DERA: variants seen among roughly 807,000 people sequenced by gnomAD.
DERA encodes deoxyribose-phosphate aldolase, also known as 2-deoxy-D-ribose 5-phosphate aldolase.
A neutral mutation model predicts 41.1 loss-of-function variants in DERA; 15 were observed. The observed-to-expected ratio is 0.37, with a 90% CI of 0.24 to 0.56. The LOEUF (loss-of-function observed/expected upper bound fraction) is 0.56. DERA is among the 20% of genes least tolerant of loss of function. The pLI is 0.81. For synonymous variants in DERA, 139 were observed against 137.4 expected, an observed-to-expected ratio of 1.01 and a Z score of -0.08; for missense variants, 396 against 403.4, an observed-to-expected ratio of 0.98 and a Z score of 0.16.
At position 15,913,116 on chromosome 12, in the gene DERA, T is replaced by A. The variant is rs1332153415; in HGVS notation, c.31+1702T>A. 6.6e-6 allele frequency among the ~76,000 whole-genome samples: 1 copy of A among 152,232 alleles called. No individual in the cohort carries two copies. Among genetic ancestry groups the A allele is most frequent in the African/African-American group, 2.4e-5 (1 of 41,466 alleles). ...TAAATTTCCCAAAACTTAGACATTT[T>A]AAATTTTTCTTTCAAAAAACATAAT... On this transcript the variant is annotated intron_variant, in intron 1 of 8. Transcript: ENST00000428559. The surrounding 1 kb of genome is among the most constrained non-coding windows in gnomAD (Gnocchi z 4.5).
chr12:15,965,975 T>C lies in DERA; in HGVS notation c.508+3028T>C, dbSNP rs145557024. 3.5e-3 allele frequency among the ~76,000 whole-genome samples: 527 copies of C among 152,300 alleles called. 1 individual carries two copies. The highest frequency in any genetic ancestry group is 0.012 in the African/African-American group (507 of 41,566). On this transcript the variant is annotated intron_variant, in intron 5 of 8. Coordinates refer to ENST00000428559, the MANE Select transcript of DERA (RefSeq NM_015954.4). This position sits in a 1 kb window ranked among gnomAD's most constrained non-coding sequence, Gnocchi z 4.1. ...TCTGCCAGCTCATTCCCATTAAGCA[T>C]TTAGACATACTCAAGCTTTTCTTAG...
rs1279562557 is a variant in DERA at position 15,928,017 on chromosome 12, T to A, written c.31+16603T>A. Reference sequence around the variant, plus strand: ...CAAAAATAGTTAAAACTTTTTAAATTGGAAAATAATAATTATCTATTTAGG... The same window carrying A: ...CAAAAATAGTTAAAACTTTTTAAATAGGAAAATAATAATTATCTATTTAGG... On this transcript the variant is annotated intron_variant, in intron 1 of 8. Coordinates refer to ENST00000428559, the MANE Select transcript of DERA (RefSeq NM_015954.4). This position sits in a 1 kb window ranked among gnomAD's most constrained non-coding sequence, Gnocchi z 4.6. Among the ~76,000 whole-genome samples the A allele has an allele frequency of 7.0e-6, 1 of 142,074 alleles. No homozygotes were observed. The highest frequency in any genetic ancestry group is 1.5e-5 in the Non-Finnish European group (1 of 64,734). The allele number at this position is 142,074 out of a possible 152,430, so 93.2% of individuals were successfully genotyped here. A position where few individuals can be genotyped will look rare whatever the true frequency, so the allele number is the denominator to read the frequency against.
intron 1 of DERA, among the ~76,000 whole-genome samples, chr12:15,947,654 C>T (rs899656126): frequency 1.3e-5 from 2 of 152,136 alleles, no homozygotes; most frequent in African/African-American, 4.8e-5. Flanking sequence ...GGTCTTGACT[C>T]TTTATCCAAT....
At chr12:15,964,102 C>T (rs1948607010) in intron 5 of DERA, among the ~76,000 whole-genome samples, 2 of 152,318 alleles carry the variant, frequency 1.3e-5, no homozygotes, top group East Asian at 3.9e-4. Context: ...AAGCATGTGG[C>T]TTCTGCTGTT....
rs1308289294 is a variant in DERA, at chr12:15,996,601, T to C, written c.637+14165T>C. 6.6e-6 allele frequency among the ~76,000 whole-genome samples: 1 copy of C among 152,184 alleles called. No homozygotes were observed. The highest frequency in any genetic ancestry group is 2.4e-5 in the African/African-American group (1 of 41,450). On this transcript the variant is annotated intron_variant, in intron 6 of 8. Coordinates refer to ENST00000428559, the MANE Select transcript of DERA (RefSeq NM_015954.4). This position sits in a 1 kb window ranked among gnomAD's most constrained non-coding sequence, Gnocchi z 4.7. ...TTACTCAGTATGACCTTATCTTAAC[T>C]AATGACATCTTCAGTGGCCCTCTTT...
At chr12:15,919,064 T>A (rs1948222702) in intron 1 of DERA, among the ~76,000 whole-genome samples, 1 of 152,208 alleles carries the variant, frequency 6.6e-6, no homozygotes, top group African/African-American at 2.4e-5. Flanking sequence ...AACTGGGGCA[T>A]CCTTTTGTGA....
intron 1 of DERA, among the ~76,000 whole-genome samples, chr12:15,952,740 C>T (rs1407905426): frequency 6.6e-6 from 1 of 152,232 alleles, no homozygotes; most frequent in Non-Finnish European, 1.5e-5. Flanking sequence ...TTCAAGGGCT[C>T]AGGTAGGCAC....
chr12:16,009,792 A>G lies in DERA; in HGVS notation c.638-22750A>G, dbSNP rs546390151. ...ACTCTAAGGGGAGGAAATAAATGCC[A>G]CACTCAAAGCAATTATACAGGAAGT... is the stretch of plus-strand genomic sequence containing the variant. On this transcript the variant is annotated intron_variant, in intron 6 of 8. Transcript: ENST00000428559. The surrounding 1 kb of genome is among the most constrained non-coding windows in gnomAD (Gnocchi z 5.3). Among the ~76,000 whole-genome samples the G allele has an allele frequency of 1.2e-4, 18 of 152,344 alleles. No individual in the cohort carries two copies. Among genetic ancestry groups the G allele is most frequent in the Admixed American group, 1.1e-3 (17 of 15,300 alleles).
intron 4 of DERA, among the ~76,000 whole-genome samples, chr12:15,960,903 C>G (rs542355836): frequency 5.9e-5 from 9 of 152,122 alleles, no homozygotes. Context: ...CTGTTGTTGA[C>G]TACAAAGGCA....
intron 1 of DERA, among the ~76,000 whole-genome samples, chr12:15,955,119 G>T (rs1229814910): frequency 6.6e-6 from 1 of 152,036 alleles, no homozygotes; most frequent in Non-Finnish European, 1.5e-5. Context: ...GGCCAACATG[G>T]TGAAACCCTG....
intron 4 of DERA, among the ~76,000 whole-genome samples, chr12:15,960,636 C>CAAAAAAAAAAAAAAAAAAAAAAAAA (rs1163104277): frequency 3.5e-5 from 1 of 28,718 alleles, no homozygotes; most frequent in African/African-American, 1.3e-4. Flanking sequence ...GACTCCGTCT[C>CAAAAAAAAAAAAAAAAAAAAAAAAA]AAAAAAAAAA....
At chr12:15,927,414 G>C (rs57129515) in intron 1 of DERA, among the ~76,000 whole-genome samples, 1 of 151,942 alleles carries the variant, frequency 6.6e-6, no homozygotes, top group Non-Finnish European at 1.5e-5. Flanking sequence ...GAACAGTAAC[G>C]CTTTTTTGTG....
At position 15,936,936 on chromosome 12, in the gene DERA, T is replaced by TCCCA. The variant is rs1565588727; in HGVS notation, c.32-20000_32-19999insCCCA. ...CTGTCCTGTCCTGTCCTGTCCTGTC[T>TCCCA]TGTCCTGTCCCGTCCTGTCCTGCCC... is the stretch of plus-strand genomic sequence containing the variant. On this transcript the variant is annotated intron_variant, in intron 1 of 8. Coordinates refer to ENST00000428559, the MANE Select transcript of DERA (RefSeq NM_015954.4). The surrounding 1 kb of genome is among the most constrained non-coding windows in gnomAD (Gnocchi z 4.6). Among the ~76,000 whole-genome samples, 1 of 117,782 alleles carries TCCCA rather than the reference T, an allele frequency of 8.5e-6. No individual in the cohort carries two copies. Among genetic ancestry groups the TCCCA allele is most frequent in the Admixed American group, 7.9e-5 (1 of 12,624 alleles). The allele number at this position is 117,782 out of a possible 152,430, so 77.3% of individuals were successfully genotyped here.
In DERA at chr12:16,019,531, G is replaced by A. The variant is rs573320334; in HGVS notation, c.638-13011G>A. Among the ~76,000 whole-genome samples the A allele has an allele frequency of 3.3e-5, 5 of 152,264 alleles. No homozygotes were observed. In the East Asian group the frequency reaches 5.8e-4, roughly 18 times the overall value. The stretch of plus-strand genomic sequence containing the variant: ...CTAAAACATACATTCATATATCTGT[G>A]TATATGTCCCTCCTCCCACCTCACC... On this transcript the variant is annotated intron_variant, in intron 6 of 8. Coordinates refer to ENST00000428559, the MANE Select transcript of DERA (RefSeq NM_015954.4). The surrounding 1 kb of genome is among the most constrained non-coding windows in gnomAD (Gnocchi z 4.4).
intron 6 of DERA, among the ~76,000 whole-genome samples, chr12:16,029,833 T>G (rs749856424): frequency 1.3e-5 from 2 of 152,000 alleles, no homozygotes; most frequent in Non-Finnish European, 1.5e-5. Context: ...TGAAGGAGTT[T>G]GGTTCTTTTG....
intron 6 of DERA, among the ~76,000 whole-genome samples, chr12:16,025,763 C>T (rs1488290442): frequency 1.3e-5 from 2 of 152,070 alleles, no homozygotes; most frequent in African/African-American, 4.8e-5. Flanking sequence ...ATTCAATGTT[C>T]ACATGGAACA....
intron 6 of DERA, among the ~76,000 whole-genome samples, chr12:16,022,915 C>G (rs1006952462): frequency 3.3e-5 from 5 of 152,172 alleles, no homozygotes; most frequent in Admixed American, 6.5e-5. Flanking sequence ...CTTCTTGGCT[C>G]TGGCAGGAGA....
rs1345271052 is a variant in DERA, at chr12:15,995,812, G to T, written c.637+13376G>T. ...AATTAGGAGGAGGAAAATCCTTGGG[G>T]TTGTAATATTATGTTCAAATACTTG... On this transcript the variant is annotated intron_variant, in intron 6 of 8. Transcript: ENST00000428559. The surrounding 1 kb of genome is among the most constrained non-coding windows in gnomAD (Gnocchi z 5.1). Among the ~76,000 whole-genome samples the T allele has an allele frequency of 6.6e-6, 1 of 152,188 alleles. No individual in the cohort carries two copies. The highest frequency in any genetic ancestry group is 1.5e-5 in the Non-Finnish European group (1 of 68,034).
chr12:15,969,297 A>G (rs1187793979), intron 5 of DERA, among the ~76,000 whole-genome samples: 1 of 152,126 alleles, frequency 6.6e-6, no homozygotes, highest in South Asian at 2.1e-4. Flanking sequence ...TTTCTGTTGC[A>G]TCTATTTACC....
Sources: gnomAD v4.1 joint callset for allele counts (sites outside exome capture counted in the v4.1 genomes callset) on GRCh38, gnomAD v4.1.1 for gene constraint, Gnocchi (gnomAD v3.1) non-coding constraint, MANE v1.5 for transcripts, NCBI Gene and HGNC (gene_info 2026-07-23, HGNC 2026-07-21) for gene names.